Variants in MPP7 observed in about 807,000 individuals in gnomAD.
MPP7 encodes MAGUK p55 subfamily member 7.
Under a neutral mutation model 76.5 loss-of-function variants are expected in MPP7, and 60 were observed. The ratio of observed to expected loss-of-function variants is 0.78; its 90% CI spans 0.64 to 0.97. The LOEUF (loss-of-function observed/expected upper bound fraction) is 0.97, where lower values mean the gene tolerates loss of function less well. Among genes scored for constraint, MPP7 ranks in the 50% least tolerant of loss-of-function variants. MPP7 has a pLI of 0.00. For missense variants in MPP7, 641 were observed against 694.0 expected (o/e 0.92, Z 0.86); for synonymous variants, 237 against 244.5 (o/e 0.97, Z 0.29).
chr10:28,157,165 A>G (rs1836093232), intron 3 of MPP7, among the ~76,000 whole-genome samples: 1 of 152,140 alleles, frequency 6.6e-6, no homozygotes, highest in Non-Finnish European at 1.5e-5. Context: ...AGCCGAGATC[A>G]TGCCATTGCA....
chr10:28,140,372 C>T (rs748734958), intron 5 of MPP7, among the ~76,000 whole-genome samples: 5 of 151,840 alleles, frequency 3.3e-5, no homozygotes, highest in East Asian at 1.9e-4. Context: ...ATTAGCCAGG[C>T]GGGTGGCATG....
chr10:28,075,583 CT>C (rs1852446005), intron 12 of MPP7, among the ~76,000 whole-genome samples: 1 of 152,140 alleles, frequency 6.6e-6, no homozygotes, highest in Non-Finnish European at 1.5e-5. Context: ...CATGAAATTT[CT>C]CCTGCTTCCT....
At chr10:28,156,531 A>G (rs1836068272) in intron 3 of MPP7, among the ~76,000 whole-genome samples, 1 of 152,196 alleles carries the variant, frequency 6.6e-6, no homozygotes, top group Non-Finnish European at 1.5e-5. Flanking sequence ...TTCTTCAAAA[A>G]CAGTCCAAGT....
chr10:28,110,360 G>T (rs908692936), intron 11 of MPP7, among the ~76,000 whole-genome samples: 12 of 152,130 alleles, frequency 7.9e-5, no homozygotes, highest in Non-Finnish European at 1.6e-4. Context: ...AAAGTGCTGG[G>T]ATTACAGGCG....
At chr10:28,113,037 C>T (rs1256157425) in intron 11 of MPP7, among the ~76,000 whole-genome samples, 1 of 152,178 alleles carries the variant, frequency 6.6e-6, no homozygotes, top group African/African-American at 2.4e-5. Flanking sequence ...CTGGTGACCA[C>T]CTCACTATGG....
At chr10:28,061,830 A>G (rs1564611611) in intron 13 of MPP7, among the ~76,000 whole-genome samples, 1 of 98,828 alleles carries the variant, frequency 1.0e-5, no homozygotes, top group Non-Finnish European at 2.0e-5. Context: ...ATAATGATTT[A>G]AACTGTCACA....
intron 2 of MPP7, among the ~76,000 whole-genome samples, chr10:28,226,778 A>C (rs1838706455): frequency 6.6e-6 from 1 of 152,230 alleles, no homozygotes; most frequent in Non-Finnish European, 1.5e-5. Context: ...TACACTCCTT[A>C]CAGCAAAAGC....
chr10:28,302,051 G>A (rs970053404), intron 1 of MPP7, among the ~76,000 whole-genome samples: 5 of 151,886 alleles, frequency 3.3e-5, no homozygotes, highest in African/African-American at 1.2e-4. Flanking sequence ...TTTTTAGAGA[G>A]CCCCCCCTTT....
At chr10:28,184,853 ATATAT>A (rs1837178275) in intron 3 of MPP7, among the ~76,000 whole-genome samples, 1 of 145,238 alleles carries the variant, frequency 6.9e-6, no homozygotes, top group Non-Finnish European at 1.5e-5. Flanking sequence ...TTTTAACTTA[ATATAT>A]TATGATTTTT....
At chr10:28,263,047 C>A (rs1217477275) in intron 1 of MPP7, among the ~76,000 whole-genome samples, 1 of 152,056 alleles carries the variant, frequency 6.6e-6, no homozygotes, top group Non-Finnish European at 1.5e-5. Context: ...CAGAGCGAGA[C>A]TCCGTTTCAA....
Position 28,217,193 on chromosome 10 carries a change from G to A in MPP7, c.38-14922C>T, listed in dbSNP as rs375641156. Reference sequence around the variant, plus strand: ...GCTGACAGAATTTGCAACTCAACAAGGCTATCCTTTAGACAAGGATATAAC... The same window carrying A: ...GCTGACAGAATTTGCAACTCAACAAAGCTATCCTTTAGACAAGGATATAAC... On this transcript the variant is annotated intron_variant, in intron 2 of 16. Coordinates refer to ENST00000683449, the MANE Select transcript of MPP7 (RefSeq NM_001318170.2). 3.2e-4 allele frequency among the ~76,000 whole-genome samples: 49 copies of A among 152,132 alleles called. No individual in the cohort carries two copies. The South Asian group carries it at 9.8e-3, about 30-fold the overall frequency.
chr10:28,211,206 G>A (rs555344506), intron 2 of MPP7, among the ~76,000 whole-genome samples: 2 of 152,006 alleles, frequency 1.3e-5, no homozygotes, highest in East Asian at 1.9e-4. Context: ...TCAAAGGACC[G>A]TCTCACCTCA....
chr10:28,247,842 T>TAA (rs1839487464), intron 1 of MPP7, among the ~76,000 whole-genome samples: 1 of 152,234 alleles, frequency 6.6e-6, no homozygotes, highest in Admixed American at 6.5e-5. Context: ...AGAGAAACTT[T>TAA]AAGAGCACTG....
At chr10:28,219,241 A>G (rs1017532888) in intron 2 of MPP7, among the ~76,000 whole-genome samples, 6 of 152,236 alleles carry the variant, frequency 3.9e-5, no homozygotes, top group Non-Finnish European at 7.3e-5. Context: ...AAAATGGGAA[A>G]AAATTTAAAA....
intron 1 of MPP7, among the ~76,000 whole-genome samples, chr10:28,251,073 A>G (rs569030092): frequency 6.6e-6 from 1 of 152,364 alleles, no homozygotes; most frequent in East Asian, 1.9e-4. Context: ...ATATATTTCT[A>G]ATAAGTAAGG....
In MPP7 at chr10:28,328,218, C is replaced by T. The variant is rs147636468; in HGVS notation, c.-132+1711G>A. Among the ~76,000 whole-genome samples, 361 of 152,178 alleles carry T rather than the reference C, an allele frequency of 2.4e-3. 2 individuals are homozygous for T. Among genetic ancestry groups the T allele is most frequent in the African/African-American group, 8.2e-3 (340 of 41,518 alleles). On this transcript the variant is annotated intron_variant, in intron 2 of 11. Coordinates refer to the MPP7 transcript ENST00000441595. ...ATTACAACTGACTTTTACCTACATG[C>T]GAAGGTTCAATGTTCAAATTCACAC...
intron 3 of MPP7, among the ~76,000 whole-genome samples, chr10:28,178,204 C>A: frequency 6.6e-6 from 1 of 152,092 alleles, no homozygotes; most frequent in East Asian, 1.9e-4. Flanking sequence ...GCAGTACCCC[C>A]TCCTCAAGTC....
chr10:28,288,440 T>A (rs1840835968), intron 1 of MPP7, among the ~76,000 whole-genome samples: 1 of 152,098 alleles, frequency 6.6e-6, no homozygotes, highest in Non-Finnish European at 1.5e-5. Flanking sequence ...AAAGTCTCAC[T>A]ATGTTGCCCA....
upstream of MPP7, chr10:28,307,799 T>C (rs1234955513): frequency 2.0e-5 from 3 of 152,200 alleles, no homozygotes; most frequent in African/African-American, 7.2e-5. Flanking sequence ...GGGGAAAGGA[T>C]CCTTCTCTCT....
Sources: gnomAD v4.1 joint callset for allele counts (sites outside exome capture counted in the v4.1 genomes callset) on GRCh38, gnomAD v4.1.1 for gene constraint, MANE v1.5 for transcripts, NCBI Gene and HGNC (gene_info 2026-07-23, HGNC 2026-07-21) for gene names.